Variants in ODC1 observed in about 807,000 individuals in gnomAD.
The protein encoded by ODC1 is ornithine decarboxylase 1.
In ODC1, 18 loss-of-function variants were observed where a neutral mutation model predicts 41.5. That is an observed-to-expected ratio of 0.43 (90% confidence interval 0.30 to 0.64). The LOEUF (loss-of-function observed/expected upper bound fraction) is 0.64, where lower values mean the gene tolerates loss of function less well. Among genes scored for constraint, ODC1 ranks in the 30% least tolerant of loss-of-function variants. The probability of loss-of-function intolerance (pLI) is 0.11; values close to 1 mark genes in which losing one functional copy is unlikely to be tolerated. For synonymous variants in ODC1, 218 were observed against 211.6 expected (o/e 1.03, Z -0.26); for missense variants, 504 against 589.0 (o/e 0.86, Z 1.49).
chr2:10,443,720 A>G lies in ODC1; in HGVS notation c.566T>C (p.Ile189Thr), dbSNP rs200691250. The G allele has an allele frequency of 6.8e-6, 11 of 1,614,154 alleles. No individual in the cohort carries two copies. Among genetic ancestry groups the G allele is most frequent in the Admixed American group, 3.3e-5 (2 of 60,022 alleles). The change falls in exon 6 of 12, where the codon ATC becomes ACC. Residue 189 changes from isoleucine (I) to threonine (T), a missense_variant. Ile to Thr is a moderately conservative substitution (Grantham distance 89). This residue lies in a region of ODC1 where 447 missense variants were observed against 524.4 expected (regional missense o/e 0.85). Transcript: ENST00000234111. ...ATCTCACCTGACACCAACAACATCGATATTTAGCTCTTTCGCCCGTTCCAA... is the reference window on the plus strand; with the variant it reads ...ATCTCACCTGACACCAACAACATCGGTATTTAGCTCTTTCGCCCGTTCCAA... The part of the protein sequence containing the change: ...LLLERAKELN[I>T]DVVGVSFHVG...
Position 10,441,933 on chromosome 2 carries a change from G to A in ODC1, c.914-4C>T. 1.2e-6 allele frequency: 2 copies of A among 1,613,824 alleles called. No homozygotes were observed. Among genetic ancestry groups the A allele is most frequent in the South Asian group, 1.1e-5 (1 of 91,060 alleles). On this transcript the variant is annotated splice_region_variant and splice_polypyrimidine_tract_variant and intron_variant, in intron 9 of 11. Coordinates refer to ENST00000234111, the MANE Select transcript of ODC1 (RefSeq NM_002539.3). ...TGCTCACTCGACTCATCTTCGTCTA[G>A]AAAGGCAGATCAACAATCTTAATGA...
chr2:10,442,228 T>C (rs1181298620), intron 8 of ODC1, 54 bp from the exon 9 acceptor site: 1 of 1,536,144 alleles, frequency 6.5e-7, no homozygotes, highest in Non-Finnish European at 8.8e-7. Flanking sequence ...GAAATTCACA[T>C]GGGGGAGTAA....
chr2:10,444,920 C>T lies in ODC1; in HGVS notation c.102+11G>A, dbSNP rs779805969. 2 of 1,587,856 alleles carry T rather than the reference C, an allele frequency of 1.3e-6. No individual in the cohort carries two copies. The highest frequency in any genetic ancestry group is 2.2e-5 in the East Asian group (1 of 44,780). ...TCAGCTGCACTGCCAGCATGGGCCT[C>T]ATATACTTACAGAAGAAGAAACTTC... is the stretch of plus-strand genomic sequence containing the variant. On this transcript the variant is annotated intron_variant, in intron 3 of 11. Coordinates refer to ENST00000234111, the MANE Select transcript of ODC1 (RefSeq NM_002539.3).
chr2:10,441,342 A>G (rs1472765281), intron 11 of ODC1, among the ~76,000 whole-genome samples, 167 bp downstream of exon 11: 3 of 152,240 alleles, frequency 2.0e-5, no homozygotes, highest in Non-Finnish European at 4.4e-5. Context: ...ATATATTCCA[A>G]TTACATAGAA....
chr2:10,445,441 A>G (rs960793888), intron 1 of ODC1, among the ~76,000 whole-genome samples, 177 bp from the exon 2 acceptor site: 9 of 152,204 alleles, frequency 5.9e-5, no homozygotes, highest in Non-Finnish European at 1.2e-4. Flanking sequence ...TTGGCAGTAT[A>G]AGGACACAAC....
rs188346039 is a variant in ODC1, at chr2:10,443,841, A to T, written c.450-5T>A. On this transcript the variant is annotated splice_polypyrimidine_tract_variant and splice_region_variant and intron_variant, in intron 5 of 11. Coordinates refer to ENST00000234111, the MANE Select transcript of ODC1 (RefSeq NM_002539.3). ...GTGGCAATCCGCAAAACCAACCTAC[A>T]AGCAAGGAAAGTGCAGCAAATGTCT... 1 of 1,613,218 alleles carries T rather than the reference A, an allele frequency of 6.2e-7. No individual in the cohort carries two copies. The highest frequency in any genetic ancestry group is 1.7e-5 in the Admixed American group (1 of 59,992).
chr2:10,442,232 G>C, intron 8 of ODC1, 58 bp from the exon 9 acceptor site: 2 of 1,521,122 alleles, frequency 1.3e-6, no homozygotes, highest in Non-Finnish European at 1.8e-6. Context: ...TTCACATGGG[G>C]GAGTAACATC....
chr2:10,441,980 T>C (rs773341050), intron 9 of ODC1, 32 bp downstream of exon 9: 56 of 1,613,280 alleles, frequency 3.5e-5, no homozygotes, highest in Non-Finnish European at 4.5e-5. Context: ...AGCTTTCAGT[T>C]ATACATGAAG....
In ODC1 at chr2:10,443,491, C is replaced by A; in HGVS notation, c.665G>T (p.Gly222Val). ...ISDARCVFDM[G>V]AEVGFSMYLL... Reference sequence around the variant, plus strand: ...CCTAACAGGGTCACGTATACTCACCCCCATGTCAAAAACACAGCGGGCATC... The same window carrying A: ...CCTAACAGGGTCACGTATACTCACCACCATGTCAAAAACACAGCGGGCATC... Residue 222 changes from glycine (G) to valine (V), a missense_variant and splice_region_variant, in exon 7 of 12, where the codon GGG becomes GTG. Coordinates refer to ENST00000234111, the MANE Select transcript of ODC1 (RefSeq NM_002539.3). 6.2e-7 allele frequency: 1 copy of A among 1,613,816 alleles called. No homozygotes were observed. The highest frequency in any genetic ancestry group is 8.5e-7 in the Non-Finnish European group (1 of 1,179,754).
chr2:10,442,183 G>C lies in ODC1; in HGVS notation c.751-9C>G. On this transcript the variant is annotated splice_polypyrimidine_tract_variant and intron_variant, in intron 8 of 11. Coordinates refer to ENST00000234111, the MANE Select transcript of ODC1 (RefSeq NM_002539.3). Reference sequence around the variant, plus strand: ...TTGATTACGCCGGTGATCTAAGAGAGTGAAACAGAAAAGAAAGAGCAGCCT... The same window carrying C: ...TTGATTACGCCGGTGATCTAAGAGACTGAAACAGAAAAGAAAGAGCAGCCT... The C allele has an allele frequency of 6.3e-7, 1 of 1,586,166 alleles. No homozygotes were observed. Among genetic ancestry groups the C allele is most frequent in the Non-Finnish European group, 8.6e-7 (1 of 1,167,468 alleles).
chr2:10,446,291 A>ACCAG (rs1672010792), intron 1 of ODC1, among the ~76,000 whole-genome samples: 1 of 151,866 alleles, frequency 6.6e-6, no homozygotes, highest in East Asian at 1.9e-4. Flanking sequence ...GTGCCACCAC[A>ACCAG]CCCGGGGCCT....
chr2:10,445,726 C>G (rs1207807546), intron 1 of ODC1, among the ~76,000 whole-genome samples: 4 of 152,166 alleles, frequency 2.6e-5, no homozygotes, highest in Admixed American at 6.5e-5. Context: ...ACCTCTGCCT[C>G]CCGGGTTCAA....
chr2:10,445,365 A>G, intron 1 of ODC1, 101 bp from the exon 2 acceptor site: 1 of 278,856 alleles, frequency 3.6e-6, no homozygotes, highest in Non-Finnish European at 7.0e-6. Context: ...TGCCCCGGAT[A>G]TGAACCACTC....
chr2:10,445,949 A>G (rs1449658139), intron 1 of ODC1, among the ~76,000 whole-genome samples: 1 of 152,118 alleles, frequency 6.6e-6, no homozygotes, highest in African/African-American at 2.4e-5. Flanking sequence ...AACATTTCCT[A>G]CTTCCACTAA....
chr2:10,445,308 A>G (rs1671974853), intron 1 of ODC1, 44 bp from the exon 2 acceptor site: 1 of 359,496 alleles, frequency 2.8e-6, no homozygotes, highest in South Asian at 2.4e-5. Flanking sequence ...TTAGGAACAC[A>G]TCGAGTTGAA....
intron 5 of ODC1, 35 bp downstream of exon 5, chr2:10,444,060 T>TC (rs1219841669): frequency 5.2e-6 from 8 of 1,549,716 alleles, no homozygotes; most frequent in South Asian, 1.3e-5. Flanking sequence ...TATCTTATGC[T>TC]CCCGATCTTG....
chr2:10,445,067 G>A lies in ODC1; in HGVS notation c.-17-18C>T. On this transcript the variant is annotated intron_variant, in intron 2 of 11. Coordinates refer to ENST00000234111, the MANE Select transcript of ODC1 (RefSeq NM_002539.3). ...ATGTTCCTCTGAAATGCAACAAAAT[G>A]CAAATAGAGTGGAGAAATTCACTTA... 7.5e-7 allele frequency: 1 copy of A among 1,330,932 alleles called. No individual in the cohort carries two copies. Among genetic ancestry groups the A allele is most frequent in the Non-Finnish European group, 1.1e-6 (1 of 922,006 alleles). The allele number at this position is 1,330,932 out of a possible 1,614,324, so 82.4% of individuals were successfully genotyped here.
At chr2:10,444,669 G>A (rs893574873) in intron 3 of ODC1, 22 bp from the exon 4 acceptor site, 2 of 1,601,610 alleles carry the variant, frequency 1.2e-6, no homozygotes, top group African/African-American at 2.7e-5. Flanking sequence ...GTGGTCACAG[G>A]TGACTCACTA....
rs373507220 is a variant in ODC1, at chr2:10,443,699, C to T, written c.584+3G>A. 25 of 1,613,786 alleles carry T rather than the reference C, an allele frequency of 1.5e-5. No individual in the cohort carries two copies. The African/African-American group carries it at 3.3e-4, about 22-fold the overall frequency. On this transcript the variant is annotated splice_donor_region_variant and intron_variant, in intron 6 of 11. Transcript: ENST00000234111. ...ACCTCTAGCTATCCCACCAAAATCT[C>T]ACCTGACACCAACAACATCGATATT...
Sources: gnomAD v4.1 joint callset for allele counts (sites outside exome capture counted in the v4.1 genomes callset) on GRCh38, gnomAD v4.1.1 for gene constraint, gnomAD v4.1.1 regional missense constraint, MANE v1.5 for transcripts, NCBI Gene and HGNC (gene_info 2026-07-23, HGNC 2026-07-21) for gene names.